Variants in ARHGAP26 observed in about 807,000 individuals in gnomAD.
ARHGAP26 encodes the protein Rho GTPase activating protein 26.
Under a neutral mutation model 104.8 loss-of-function variants are expected in ARHGAP26, and 38 were observed. That is an observed-to-expected ratio of 0.36 (90% confidence interval 0.28 to 0.48). The LOEUF (loss-of-function observed/expected upper bound fraction) is 0.48. ARHGAP26 is among the 20% of genes least tolerant of loss of function. ARHGAP26 has a pLI of 0.99. For missense variants in ARHGAP26, 704 were observed against 947.9 expected (o/e 0.74, Z 3.38); for synonymous variants, 341 against 340.0 (o/e 1.00, Z -0.03).
intron 1 of ARHGAP26, among the ~76,000 whole-genome samples, chr5:142,858,959 G>A (rs1214932953): frequency 1.3e-5 from 2 of 152,238 alleles, no homozygotes; most frequent in Non-Finnish European, 2.9e-5. Context: ...CGGATGGATT[G>A]CGGCACCTTT....
rs905703324 is a variant in ARHGAP26 at position 143,224,514 on chromosome 5, G to C, written c.*2068G>C. Reference sequence around the variant, plus strand: ...TTTAAATAAGTGGGGTCAGGCATTCGAGTTTTTGTCTTTCTTCTCAGGTGT... The same window carrying C: ...TTTAAATAAGTGGGGTCAGGCATTCCAGTTTTTGTCTTTCTTCTCAGGTGT... On this transcript the variant is annotated 3_prime_UTR_variant, in exon 23 of 23. Coordinates refer to ENST00000645722, the MANE Select transcript of ARHGAP26 (RefSeq NM_001135608.3). 1.7e-5 allele frequency: 4 copies of C among 230,438 alleles called. No individual in the cohort carries two copies. In the East Asian group the frequency reaches 2.5e-4, roughly 14 times the overall value. 14.3% of individuals were successfully genotyped at this position (230,438 alleles called of 1,614,324 possible). A position where few individuals can be genotyped will look rare whatever the true frequency, so the allele number is the denominator to read the frequency against.
In ARHGAP26 at chr5:143,092,147, A is replaced by G. The variant is rs1036863338; in HGVS notation, c.1539-28841A>G. On this transcript the variant is annotated intron_variant, in intron 17 of 22. Transcript: ENST00000645722. The stretch of plus-strand genomic sequence containing the variant: ...TGCCTCAACTTTCTGACTTGTTGCA[A>G]ACATCCCTTTGTTTTTTTTTTTGTT... Among the ~76,000 whole-genome samples the G allele has an allele frequency of 4.0e-5, 6 of 149,960 alleles. No individual in the cohort carries two copies. In the East Asian group the frequency reaches 1.2e-3, roughly 29 times the overall value.
chr5:143,180,179 G>T (rs2151184105), intron 20 of ARHGAP26, among the ~76,000 whole-genome samples: 1 of 152,244 alleles, frequency 6.6e-6, no homozygotes, highest in Middle Eastern at 3.4e-3. Flanking sequence ...AGGCTGGAGT[G>T]CAGTGGTGCG....
chr5:143,119,393 A>G (rs1377468093), intron 17 of ARHGAP26, among the ~76,000 whole-genome samples: 1 of 152,204 alleles, frequency 6.6e-6, no homozygotes, highest in Non-Finnish European at 1.5e-5. Context: ...TCCTTGCCAC[A>G]CAGAGGAGCT....
chr5:143,002,560 G>A (rs1777341408), intron 11 of ARHGAP26, among the ~76,000 whole-genome samples: 1 of 152,168 alleles, frequency 6.6e-6, no homozygotes, highest in South Asian at 2.1e-4. Flanking sequence ...GCCAGGAAGT[G>A]CTAGAGCCGT....
intron 11 of ARHGAP26, among the ~76,000 whole-genome samples, chr5:142,983,662 C>A (rs1444815898): frequency 2.6e-5 from 4 of 152,066 alleles, no homozygotes; most frequent in Non-Finnish European, 5.9e-5. Flanking sequence ...GAAAGAATAA[C>A]ATAGAGTAAC....
At chr5:142,922,369 G>A (rs1187193046) in intron 10 of ARHGAP26, among the ~76,000 whole-genome samples, 1 of 152,004 alleles carries the variant, frequency 6.6e-6, no homozygotes, top group Non-Finnish European at 1.5e-5. Flanking sequence ...CTATTAGAAG[G>A]TCCAGTTGAA....
At chr5:142,957,331 C>T (rs1380912696) in intron 11 of ARHGAP26, among the ~76,000 whole-genome samples, 3 of 152,196 alleles carry the variant, frequency 2.0e-5, no homozygotes, top group East Asian at 1.9e-4. Flanking sequence ...TTTGTGATTT[C>T]GTACACAGTT....
chr5:143,175,360 T>C (rs1273680519), intron 20 of ARHGAP26, among the ~76,000 whole-genome samples: 1 of 152,192 alleles, frequency 6.6e-6, no homozygotes, highest in Non-Finnish European at 1.5e-5. Flanking sequence ...TGGCACTCTG[T>C]GGTGACAGTG....
chr5:143,021,945 G>T (rs904558430), intron 12 of ARHGAP26, among the ~76,000 whole-genome samples: 1 of 152,168 alleles, frequency 6.6e-6, no homozygotes, highest in African/African-American at 2.4e-5. Flanking sequence ...TCAAAGTGGG[G>T]TGTGCACACC....
chr5:143,222,777 A>G lies in ARHGAP26; in HGVS notation c.*331A>G. On this transcript the variant is annotated 3_prime_UTR_variant, in exon 23 of 23. Coordinates refer to ENST00000645722, the MANE Select transcript of ARHGAP26 (RefSeq NM_001135608.3). ...CGGTCCAAACGCCCAACCTTCAGAA[A>G]GAGGAAGTCAGATAGAAATAGTCCC... 4.0e-6 allele frequency: 1 copy of G among 252,314 alleles called. No individual in the cohort carries two copies. Among genetic ancestry groups the G allele is most frequent in the Middle Eastern group, 1.1e-3 (1 of 896 alleles). The allele number at this position is 252,314 out of a possible 1,614,324, so 15.6% of individuals were successfully genotyped here.
intron 1 of ARHGAP26, among the ~76,000 whole-genome samples, chr5:142,815,651 C>T (rs1031829693): frequency 5.9e-5 from 9 of 152,228 alleles, no homozygotes; most frequent in Non-Finnish European, 1.3e-4. Flanking sequence ...TGGCTGTCAG[C>T]CCTGGTCCAC....
intron 10 of ARHGAP26, among the ~76,000 whole-genome samples, chr5:142,923,931 C>A (rs1044589319): frequency 6.7e-6 from 1 of 148,584 alleles, no homozygotes; most frequent in South Asian, 2.1e-4. Flanking sequence ...GCGCAATCTC[C>A]GCTCACTGCA....
At chr5:143,111,245 A>G (rs1016686117) in intron 17 of ARHGAP26, among the ~76,000 whole-genome samples, 3 of 152,224 alleles carry the variant, frequency 2.0e-5, no homozygotes, top group Non-Finnish European at 4.4e-5. Context: ...AGGTTAGGCC[A>G]TGTAGAAAAG....
intron 1 of ARHGAP26, among the ~76,000 whole-genome samples, chr5:142,778,565 A>G (rs1236247028): frequency 6.6e-6 from 1 of 152,136 alleles, no homozygotes; most frequent in African/African-American, 2.4e-5. Context: ...CTTTTTAATG[A>G]CTGCAGAGAG....
intron 21 of ARHGAP26, among the ~76,000 whole-genome samples, chr5:143,209,147 A>G (rs919692357): frequency 3.9e-5 from 6 of 152,188 alleles, no homozygotes; most frequent in African/African-American, 1.4e-4. Flanking sequence ...GGGTTAAGAG[A>G]CTCAAGAGAG....
At chr5:142,830,576 A>G (rs1356352063) in intron 1 of ARHGAP26, among the ~76,000 whole-genome samples, 1 of 152,208 alleles carries the variant, frequency 6.6e-6, no homozygotes, top group Non-Finnish European at 1.5e-5. Context: ...TCTTTAATTA[A>G]TATAGCTGTG....
intron 17 of ARHGAP26, among the ~76,000 whole-genome samples, chr5:143,065,909 GA>G (rs1419794392): frequency 6.6e-6 from 1 of 152,196 alleles, no homozygotes; most frequent in Non-Finnish European, 1.5e-5. Context: ...CCTCTTTGAA[GA>G]TGGTCTCAAG....
intron 1 of ARHGAP26, among the ~76,000 whole-genome samples, chr5:142,795,107 G>C (rs78214892): frequency 0.054 from 8,179 of 152,014 alleles, 455 homozygotes; most frequent in East Asian, 0.25. Flanking sequence ...CTAACTCACA[G>C]GTCATACAAA....
Sources: gnomAD v4.1 joint callset for allele counts (sites outside exome capture counted in the v4.1 genomes callset) on GRCh38, gnomAD v4.1.1 for gene constraint, MANE v1.5 for transcripts, NCBI Gene and HGNC (gene_info 2026-07-23, HGNC 2026-07-21) for gene names.